The following MN1 variants were observed in gnomAD, a reference collection of about 807,000 sequenced individuals.
The protein encoded by MN1 is MN1 proto-oncogene, transcriptional regulator.
In MN1, 19 loss-of-function variants were observed where a neutral mutation model predicts 86.9. The ratio of observed to expected loss-of-function variants is 0.22; its 90% CI spans 0.15 to 0.32. MN1 has a LOEUF of 0.32. MN1 is among the 10% of genes least tolerant of loss of function. The pLI, the probability that MN1 is intolerant of heterozygous loss-of-function variation, is 1.00. For missense variants in MN1, 1,841 were observed against 1,862.0 expected (o/e 0.99, Z 0.21); for synonymous variants, 928 against 849.6 (o/e 1.09, Z -1.60).
At chr22:27,794,648 A>T (rs905428617) in intron 1 of MN1, among the ~76,000 whole-genome samples, 11 of 152,204 alleles carry the variant, frequency 7.2e-5, no homozygotes, top group Non-Finnish European at 1.5e-4. Flanking sequence ...CACAGCCTGC[A>T]TCTTCATCTC....
chr22:27,796,756 C>T lies in MN1; in HGVS notation c.3781+7G>A. 2 of 1,588,238 alleles carry T rather than the reference C, an allele frequency of 1.3e-6. No homozygotes were observed. The highest frequency in any genetic ancestry group is 1.3e-5 in the African/African-American group (1 of 74,776). ...GGGAAGTGAGAGGAAAACGAGTGTG[C>T]ATATACCTTCTTTGCTGTTGGGGTT... On this transcript the variant is annotated splice_region_variant and intron_variant, in intron 1 of 1. Coordinates refer to ENST00000302326, the MANE Select transcript of MN1 (RefSeq NM_002430.3).
chr22:27,800,646 G>A lies in MN1; in HGVS notation c.-103C>T. The A allele has an allele frequency of 6.4e-7, 1 of 1,557,214 alleles. No individual in the cohort carries two copies. The highest frequency in any genetic ancestry group is 8.7e-7 in the Non-Finnish European group (1 of 1,154,460). On this transcript the variant is annotated 5_prime_UTR_variant, in exon 1 of 2. Coordinates refer to ENST00000302326, the MANE Select transcript of MN1 (RefSeq NM_002430.3). The stretch of plus-strand genomic sequence containing the variant: ...TCCAGCCCAGGATTGGGCGCTCCGG[G>A]ACGCTCAGCACCGCGGGGGCTCAGC...
chr22:27,801,088 CCCCCGGAGTCCCCGCG>C lies in MN1; in HGVS notation c.-561_-546del, dbSNP rs1933429435. The C allele has an allele frequency of 4.3e-6, 1 of 232,152 alleles. No homozygotes were observed. The highest frequency in any genetic ancestry group is 8.5e-6 in the Non-Finnish European group (1 of 117,020). The allele number at this position is 232,152 out of a possible 1,614,324, so 14.4% of individuals were successfully genotyped here. A position where few individuals can be genotyped will look rare whatever the true frequency, so the allele number is the denominator to read the frequency against. ...CCGACAGAGCGGTCCCTCCCCCCGC[CCCCCGGAGTCCCCGCG>C]CCCCGCAGCCCGAGCCTCCACCGAG... is the stretch of plus-strand genomic sequence containing the variant. On this transcript the variant is annotated 5_prime_UTR_variant, in exon 1 of 2. Transcript: ENST00000302326.
intron 1 of MN1, among the ~76,000 whole-genome samples, chr22:27,769,378 C>G (rs771726089): frequency 7.9e-5 from 12 of 151,932 alleles, no homozygotes; most frequent in Admixed American, 2.0e-4. Flanking sequence ...GAGTCAAGGC[C>G]AGGACAGGAT....
rs554598618 is a variant in MN1 at position 27,759,817 on chromosome 22, G to A, written c.3782-8721C>T. On this transcript the variant is annotated intron_variant, in intron 1 of 1. Coordinates refer to ENST00000302326, the MANE Select transcript of MN1 (RefSeq NM_002430.3). ...TTGCTTGCTGTGTGATCCTGGGCAA[G>A]TCACTCTCCCTCTCTGGGCCTAACT... is the stretch of plus-strand genomic sequence containing the variant. Among the ~76,000 whole-genome samples the A allele has an allele frequency of 1.1e-4, 16 of 152,316 alleles. No individual in the cohort carries two copies. The South Asian group carries it at 2.7e-3, about 26-fold the overall frequency.
Position 27,800,636 on chromosome 22 carries a change from G to A in MN1, c.-93C>T. The A allele has an allele frequency of 6.3e-7, 1 of 1,578,748 alleles. No homozygotes were observed. The highest frequency in any genetic ancestry group is 8.6e-7 in the Non-Finnish European group (1 of 1,167,188). ...AGCTACTCGTTCCAGCCCAGGATTG[G>A]GCGCTCCGGGACGCTCAGCACCGCG... On this transcript the variant is annotated 5_prime_UTR_variant, in exon 1 of 2. Transcript: ENST00000302326.
chr22:27,769,029 C>T (rs1332238191), intron 1 of MN1, among the ~76,000 whole-genome samples: 8 of 152,278 alleles, frequency 5.3e-5, no homozygotes, highest in Admixed American at 4.6e-4. Flanking sequence ...AACTAGTTTT[C>T]TTACAAAAGG....
intron 1 of MN1, among the ~76,000 whole-genome samples, chr22:27,796,491 G>A (rs1450787858): frequency 1.3e-5 from 2 of 148,644 alleles, no homozygotes; most frequent in African/African-American, 5.0e-5. Context: ...TACTCTACAA[G>A]ATTCCCAAAG....
At position 27,798,338 on chromosome 22, in the gene MN1, C is replaced by G; in HGVS notation, c.2206G>C (p.Ala736Pro). 6.6e-7 allele frequency: 1 copy of G among 1,514,344 alleles called. No individual in the cohort carries two copies. Among genetic ancestry groups the G allele is most frequent in the Non-Finnish European group, 8.8e-7 (1 of 1,139,930 alleles). The allele number at this position is 1,514,344 out of a possible 1,614,324, so 93.8% of individuals were successfully genotyped here. A position where few individuals can be genotyped will look rare whatever the true frequency, so the allele number is the denominator to read the frequency against. Residue 736 changes from alanine to proline, a missense_variant, in exon 1 of 2, where the codon GCT becomes CCT. Physicochemically the swap from Ala to Pro is conservative, Grantham distance 27 (BLOSUM62 -1). Coordinates refer to ENST00000302326, the MANE Select transcript of MN1 (RefSeq NM_002430.3). ...GGCTGGCCCCCGAGCGCAGACGTAG[C>G]AAAGTCCGGCGGCGGGGGCCGGCGC... ...SERRPPPPDFATSALGGQPGF... is the reference protein window; with the variant it reads ...SERRPPPPDFPTSALGGQPGF...
chr22:27,753,084 C>A lies in MN1; in HGVS notation c.3782-1988G>T, dbSNP rs543622621. 3.3e-5 allele frequency among the ~76,000 whole-genome samples: 5 copies of A among 152,352 alleles called. No individual in the cohort carries two copies. The South Asian group carries it at 1.0e-3, about 32-fold the overall frequency. ...CCCCCACCCTGGAGCCCCAGAGACACTCAGCTTTGGGACCTGCATGCTGGG... is the reference window on the plus strand; with the variant it reads ...CCCCCACCCTGGAGCCCCAGAGACAATCAGCTTTGGGACCTGCATGCTGGG... On this transcript the variant is annotated intron_variant, in intron 1 of 1. Transcript: ENST00000302326.
intron 1 of MN1, among the ~76,000 whole-genome samples, chr22:27,776,065 A>T (rs897081037): frequency 5.9e-5 from 9 of 152,212 alleles, no homozygotes; most frequent in Admixed American, 3.9e-4. Flanking sequence ...CCCAAAAAAA[A>T]TTTTTTAAGA....
Position 27,798,199 on chromosome 22 carries a change from C to G in MN1, c.2345G>C (p.Gly782Ala). Residue 782 changes from glycine (G) to alanine (A), a missense_variant, in exon 1 of 2, where the codon GGG (glycine) becomes GCG (alanine). Gly to Ala is a moderately conservative substitution (Grantham distance 60). Transcript: ENST00000302326. ...ATCAGGCTGCGGCGGGTAGGCACCC[C>G]CGCCACCGCCGCCACCAGAGCTGCC... ...GGGSSGGGGG[G>A]GAYPPQPDFQ... 1.3e-6 allele frequency: 2 copies of G among 1,525,932 alleles called. No homozygotes were observed. Among genetic ancestry groups the G allele is most frequent in the Non-Finnish European group, 1.7e-6 (2 of 1,145,670 alleles). 94.5% of individuals were successfully genotyped at this position (1,525,932 alleles called of 1,614,324 possible). A position where few individuals can be genotyped will look rare whatever the true frequency, so the allele number is the denominator to read the frequency against.
chr22:27,772,485 G>A (rs906135530), intron 1 of MN1, among the ~76,000 whole-genome samples: 1 of 152,170 alleles, frequency 6.6e-6, no homozygotes, highest in Non-Finnish European at 1.5e-5. Context: ...AAGTACAGTC[G>A]TCAAGTCATG....
intron 1 of MN1, among the ~76,000 whole-genome samples, chr22:27,753,977 G>A (rs967828156): frequency 7.9e-5 from 12 of 152,142 alleles, no homozygotes; most frequent in African/African-American, 2.9e-4. Flanking sequence ...AATCTGAAAG[G>A]GGGTTATTTC....
At position 27,797,127 on chromosome 22, in the gene MN1, C is replaced by T. The variant is rs979482458; in HGVS notation, c.3417G>A (p.Thr1139=). 9 of 1,580,060 alleles carry T rather than the reference C, an allele frequency of 5.7e-6. No individual in the cohort carries two copies. The African/African-American group carries it at 6.8e-5, about 12-fold the overall frequency. Residue 1139 remains threonine, a synonymous_variant, in exon 1 of 2, where the codon ACG becomes ACA. Transcript: ENST00000302326. ...TPGLEQVRTP[T]SSSGAPPPDE... ...CGGGTGGCGGGGCGCCGCTGCTGCTCGTCGGGGTGCGGACCTGCTCCAGGC... is the reference window on the plus strand; with the variant it reads ...CGGGTGGCGGGGCGCCGCTGCTGCTTGTCGGGGTGCGGACCTGCTCCAGGC...
At chr22:27,769,491 G>T (rs564492170) in intron 1 of MN1, among the ~76,000 whole-genome samples, 12 of 151,114 alleles carry the variant, frequency 7.9e-5, no homozygotes, top group African/African-American at 2.4e-4. Context: ...GCTTGGAAAT[G>T]CAGTGACTGA....
At chr22:27,763,584 C>T (rs1040683728) in intron 1 of MN1, among the ~76,000 whole-genome samples, 3 of 152,156 alleles carry the variant, frequency 2.0e-5, no homozygotes, top group Non-Finnish European at 2.9e-5. Flanking sequence ...GGTACCCAAC[C>T]GACGGTCAAA....
At position 27,750,656 on chromosome 22, in the gene MN1, A is replaced by G. The variant is rs1932755388; in HGVS notation, c.*259T>C. On this transcript the variant is annotated 3_prime_UTR_variant, in exon 2 of 2. Transcript: ENST00000302326. ...GCTTAAGCAAAAGTTTGCTAACTGC[A>G]GAAGGGTTAACACTGGTAACATACT... 1 of 336,992 alleles carries G rather than the reference A, an allele frequency of 3.0e-6. No homozygotes were observed. Among genetic ancestry groups the G allele is most frequent in the Non-Finnish European group, 5.3e-6 (1 of 186,944 alleles). The allele number at this position is 336,992 out of a possible 1,614,324, so 20.9% of individuals were successfully genotyped here. A position where few individuals can be genotyped will look rare whatever the true frequency, so the allele number is the denominator to read the frequency against.
chr22:27,751,042 T>C lies in MN1; in HGVS notation c.3836A>G (p.Gln1279Arg). 1 of 1,601,308 alleles carries C rather than the reference T, an allele frequency of 6.2e-7. No individual in the cohort carries two copies. Among genetic ancestry groups the C allele is most frequent in the Non-Finnish European group, 8.5e-7 (1 of 1,171,554 alleles). The stretch of plus-strand genomic sequence containing the variant: ...GTCTGTGCAGTGGACAGACAGGCAC[T>C]GCAAGTGGCTGCCAGGCTGGGATGC... ...ASASQPGSHL[Q>R]CLSVHCTDDV... is the part of the protein sequence containing the mutation. Residue 1279 changes from glutamine (Q) to arginine (R), a missense_variant, in exon 2 of 2, where the codon CAG becomes CGG. Coordinates refer to ENST00000302326, the MANE Select transcript of MN1 (RefSeq NM_002430.3).
Sources: gnomAD v4.1 joint callset for allele counts (sites outside exome capture counted in the v4.1 genomes callset) on GRCh38, gnomAD v4.1.1 for gene constraint, MANE v1.5 for transcripts, NCBI Gene and HGNC (gene_info 2026-07-23, HGNC 2026-07-21) for gene names.